C8orf34: variants seen among roughly 807,000 people sequenced by gnomAD.
C8orf34 encodes the protein uncharacterized protein C8orf34.
Under a neutral mutation model 68.3 loss-of-function variants are expected in C8orf34, and 65 were observed. The observed-to-expected ratio is 0.95, with a 90% CI of 0.78 to 1.17. C8orf34 has a LOEUF of 1.17. C8orf34 is among the 50% of genes most tolerant of loss of function. The probability of loss-of-function intolerance (pLI) is 0.00; values close to 1 mark genes in which losing one functional copy is unlikely to be tolerated. For synonymous variants in C8orf34, 244 were observed against 241.2 expected (o/e 1.01, Z -0.11); for missense variants, 664 against 655.4 (o/e 1.01, Z -0.14).
chr8:68,767,518 C>T (rs1246797659), intron 10 of C8orf34, among the ~76,000 whole-genome samples: 1 of 152,182 alleles, frequency 6.6e-6, no homozygotes, highest in Admixed American at 6.5e-5. Context: ...CTGGCTTTTA[C>T]TAACATCATA....
At chr8:68,627,787 A>G (rs998610976) in intron 7 of C8orf34, among the ~76,000 whole-genome samples, 1 of 152,202 alleles carries the variant, frequency 6.6e-6, no homozygotes, top group Non-Finnish European at 1.5e-5. Context: ...CTTGTGATTC[A>G]TTTGCAATCT....
At chr8:68,706,406 T>C (rs567643614) in intron 8 of C8orf34, among the ~76,000 whole-genome samples, 69 of 150,552 alleles carry the variant, frequency 4.6e-4, no homozygotes, top group South Asian at 2.1e-3. Context: ...AGAGTGACAC[T>C]GTGAAAGAGG....
At chr8:68,542,957 A>G (rs1359066269) in intron 7 of C8orf34, among the ~76,000 whole-genome samples, 1 of 152,090 alleles carries the variant, frequency 6.6e-6, no homozygotes, top group Non-Finnish European at 1.5e-5. Context: ...CATATTTAAA[A>G]ACTTATTCTT....
At chr8:68,758,093 G>A (rs761140657) in intron 10 of C8orf34, among the ~76,000 whole-genome samples, 2 of 152,170 alleles carry the variant, frequency 1.3e-5, no homozygotes, top group Admixed American at 6.5e-5. Flanking sequence ...TGATGGCATC[G>A]GGGATGCAAT....
intron 8 of C8orf34, among the ~76,000 whole-genome samples, chr8:68,658,569 T>C (rs1210240060): frequency 6.6e-6 from 1 of 152,224 alleles, no homozygotes; most frequent in Non-Finnish European, 1.5e-5. Context: ...GTCCTGCCAC[T>C]TTCTCTTTGA....
At chr8:68,463,946 A>C (rs1186093340) in intron 3 of C8orf34, among the ~76,000 whole-genome samples, 1 of 152,174 alleles carries the variant, frequency 6.6e-6, no homozygotes, top group Non-Finnish European at 1.5e-5. Context: ...GGCCAGGGCA[A>C]TTAGGCAGGA....
At chr8:68,653,958 C>T (rs1819438378) in intron 8 of C8orf34, among the ~76,000 whole-genome samples, 1 of 152,116 alleles carries the variant, frequency 6.6e-6, no homozygotes. Context: ...TATTTCAGCA[C>T]TGTCTGGTCC....
chr8:68,793,124 A>G (rs1184670346), intron 12 of C8orf34, among the ~76,000 whole-genome samples: 1 of 152,230 alleles, frequency 6.6e-6, no homozygotes, highest in Non-Finnish European at 1.5e-5. Flanking sequence ...ATTGGAAAGC[A>G]TAACAAACTC....
At chr8:68,346,921 C>T (rs1287723770) in intron 1 of C8orf34, among the ~76,000 whole-genome samples, 2 of 151,994 alleles carry the variant, frequency 1.3e-5, no homozygotes, top group African/African-American at 2.4e-5. Flanking sequence ...CATATGCAGG[C>T]TTCTACATGG....
chr8:68,426,239 C>A (rs1036666497), intron 1 of C8orf34, among the ~76,000 whole-genome samples: 18 of 151,936 alleles, frequency 1.2e-4, no homozygotes, highest in African/African-American at 3.9e-4. Flanking sequence ...CAAAAAATGG[C>A]CGGGTGCGTG....
chr8:68,672,647 C>T (rs921836929), intron 8 of C8orf34, among the ~76,000 whole-genome samples: 1 of 152,118 alleles, frequency 6.6e-6, no homozygotes, highest in African/African-American at 2.4e-5. Flanking sequence ...CCTCCATGGG[C>T]TAAATTTCTC....
chr8:68,816,818 G>A (rs1338532259), intron 13 of C8orf34, among the ~76,000 whole-genome samples: 3 of 152,040 alleles, frequency 2.0e-5, no homozygotes, highest in Admixed American at 6.6e-5. Context: ...AAGAGAACAC[G>A]GAAAGCATGT....
chr8:68,756,180 C>T (rs1822855535), intron 10 of C8orf34, among the ~76,000 whole-genome samples: 1 of 152,152 alleles, frequency 6.6e-6, no homozygotes. Flanking sequence ...CTGATGGCCC[C>T]TGTGCTGAAT....
chr8:68,417,369 G>A (rs1413836553), intron 1 of C8orf34, among the ~76,000 whole-genome samples: 4 of 151,966 alleles, frequency 2.6e-5, no homozygotes, highest in Admixed American at 2.6e-4. Context: ...TAGCAAATTA[G>A]TGCCTACTGA....
At chr8:68,610,330 T>A (rs1235100654) in intron 7 of C8orf34, among the ~76,000 whole-genome samples, 3 of 152,134 alleles carry the variant, frequency 2.0e-5, no homozygotes, top group Admixed American at 2.0e-4. Context: ...TGGCACTACA[T>A]GTACCAAGAG....
chr8:68,772,559 A>T (rs1823371509), intron 10 of C8orf34, among the ~76,000 whole-genome samples: 1 of 152,182 alleles, frequency 6.6e-6, no homozygotes, highest in Non-Finnish European at 1.5e-5. Flanking sequence ...CTGAGTTTAT[A>T]ATATATTAAA....
At chr8:68,330,703 A>C, upstream of C8orf34, 1 of 308,866 alleles carries the variant, frequency 3.2e-6, no homozygotes, top group Non-Finnish European at 5.9e-6. Flanking sequence ...GTCGCTAGGG[A>C]GCGGCTGGTA....
chr8:68,445,477 A>G lies in C8orf34; in HGVS notation c.476-852A>G, dbSNP rs151046856. ...CTGTATAAAAACATGAAATTCTTGT[A>G]AAAGAAGTCAAGAGGGATGAACTCT... On this transcript the variant is annotated intron_variant, in intron 2 of 13. Transcript: ENST00000518698. Among the ~76,000 whole-genome samples, 329 of 152,302 alleles carry G rather than the reference A, an allele frequency of 2.2e-3. 1 individual carries two copies. Among genetic ancestry groups the G allele is most frequent in the African/African-American group, 7.1e-3 (295 of 41,580 alleles).
chr8:68,627,301 C>A (rs1818565220), intron 7 of C8orf34, among the ~76,000 whole-genome samples: 1 of 152,070 alleles, frequency 6.6e-6, no homozygotes, highest in South Asian at 2.1e-4. Context: ...TCCTACTGCC[C>A]CTCAAAATCT....
Sources: gnomAD v4.1 joint callset for allele counts (sites outside exome capture counted in the v4.1 genomes callset) on GRCh38, gnomAD v4.1.1 for gene constraint, MANE v1.5 for transcripts, NCBI Gene and HGNC (gene_info 2026-07-23, HGNC 2026-07-21) for gene names.